ADGRD1: variants seen among roughly 807,000 people sequenced by gnomAD.
ADGRD1 encodes adhesion G protein-coupled receptor D1.
Under a neutral mutation model 113.4 loss-of-function variants are expected in ADGRD1, and 77 were observed. The observed-to-expected ratio is 0.68, with a 90% CI of 0.57 to 0.82. ADGRD1 has a LOEUF of 0.82. Among genes scored for constraint, ADGRD1 ranks in the 40% least tolerant of loss-of-function variants. The pLI, the probability that ADGRD1 is intolerant of heterozygous loss-of-function variation, is 0.00. For missense variants in ADGRD1, 1,036 were observed against 1,139.1 expected (o/e 0.91, Z 1.30); for synonymous variants, 474 against 475.0 (o/e 1.00, Z 0.03).
chr12:131,033,435 T>C (rs891332140), intron 13 of ADGRD1, among the ~76,000 whole-genome samples: 7 of 152,222 alleles, frequency 4.6e-5, no homozygotes, highest in African/African-American at 1.7e-4. Context: ...GGCGTCCACA[T>C]GCGGCCTTCC....
At chr12:131,099,389 A>G (rs922686343) in intron 15 of ADGRD1, among the ~76,000 whole-genome samples, 3 of 152,208 alleles carry the variant, frequency 2.0e-5, no homozygotes, top group Non-Finnish European at 4.4e-5. Flanking sequence ...AAGTAATACA[A>G]TGACAAATCC....
chr12:131,037,516 T>C, intron 13 of ADGRD1, among the ~76,000 whole-genome samples: 1 of 101,704 alleles, frequency 9.8e-6, no homozygotes. Context: ...GCACTGGGTC[T>C]CACTCACTAC....
In ADGRD1 at chr12:131,003,102, A is replaced by T; in HGVS notation, c.1027-83A>T. On this transcript the variant is annotated intron_variant, in intron 9 of 24. Transcript: ENST00000261654. This position sits in a 1 kb window ranked among gnomAD's most constrained non-coding sequence, Gnocchi z 4.8. ...CTCGTGGCCAACGTGGGGAAACTTGATTTTGTGTGCCTGGTGCACCTGCCT... is the reference window on the plus strand; with the variant it reads ...CTCGTGGCCAACGTGGGGAAACTTGTTTTTGTGTGCCTGGTGCACCTGCCT... 8.9e-7 allele frequency: 1 copy of T among 1,123,562 alleles called. No individual in the cohort carries two copies. Among genetic ancestry groups the T allele is most frequent in the Non-Finnish European group, 1.4e-6 (1 of 737,252 alleles). The allele number at this position is 1,123,562 out of a possible 1,614,324, so 69.6% of individuals were successfully genotyped here. A position where few individuals can be genotyped will look rare whatever the true frequency, so the allele number is the denominator to read the frequency against.
rs1474412392 is a variant in ADGRD1, at chr12:131,113,821, C to CTGCT, written c.2042-4562_2042-4559dup. On this transcript the variant is annotated intron_variant, in intron 18 of 24. Coordinates refer to ENST00000261654, the MANE Select transcript of ADGRD1 (RefSeq NM_198827.5). The surrounding 1 kb of genome is among the most constrained non-coding windows in gnomAD (Gnocchi z 4.9). Reference sequence around the variant, plus strand: ...GCCCTCCCTCCAGGTCACGCATGACCTGCTTCTTCAGGCCTCTGTGACGCC... The same window carrying CTGCT: ...GCCCTCCCTCCAGGTCACGCATGACCTGCTTGCTTCTTCAGGCCTCTGTGACGCC... Among the ~76,000 whole-genome samples the CTGCT allele has an allele frequency of 6.6e-6, 1 of 152,220 alleles. No individual in the cohort carries two copies. Among genetic ancestry groups the CTGCT allele is most frequent in the African/African-American group, 2.4e-5 (1 of 41,472 alleles).
chr12:131,025,349 G>A (rs1003775762), intron 13 of ADGRD1, among the ~76,000 whole-genome samples: 2 of 152,122 alleles, frequency 1.3e-5, no homozygotes, highest in Non-Finnish European at 2.9e-5. Flanking sequence ...GCTCTTCTAA[G>A]TTAAAGTGAT....
At chr12:131,112,209 C>T (rs1179850434) in intron 18 of ADGRD1, among the ~76,000 whole-genome samples, 1 of 152,208 alleles carries the variant, frequency 6.6e-6, no homozygotes, top group Admixed American at 6.5e-5. Flanking sequence ...TAGGCATGTA[C>T]AGTCACCCTG....
chr12:131,115,887 G>C (rs1292375541), intron 18 of ADGRD1, among the ~76,000 whole-genome samples: 1 of 152,148 alleles, frequency 6.6e-6, no homozygotes, highest in East Asian at 1.9e-4. Context: ...AGTGAGGAAG[G>C]CAACTCATTA....
Position 131,113,824 on chromosome 12 carries a change from C to T in ADGRD1, c.2042-4561C>T, listed in dbSNP as rs540527337. 1.3e-5 allele frequency among the ~76,000 whole-genome samples: 2 copies of T among 152,250 alleles called. No individual in the cohort carries two copies. The highest frequency in any genetic ancestry group is 2.9e-5 in the Non-Finnish European group (2 of 68,048). On this transcript the variant is annotated intron_variant, in intron 18 of 24. Coordinates refer to ENST00000261654, the MANE Select transcript of ADGRD1 (RefSeq NM_198827.5). This position sits in a 1 kb window ranked among gnomAD's most constrained non-coding sequence, Gnocchi z 4.9. ...CTCCCTCCAGGTCACGCATGACCTG[C>T]TTCTTCAGGCCTCTGTGACGCCCCA...
intron 8 of ADGRD1, among the ~76,000 whole-genome samples, chr12:130,993,543 C>T (rs974349896): frequency 5.3e-5 from 8 of 151,816 alleles, no homozygotes; most frequent in African/African-American, 1.7e-4. Context: ...CATGGAGCTG[C>T]GGGACTCAGC....
rs1876205234 is a variant in ADGRD1, at chr12:131,000,373, C to T, written c.967-10C>T. On this transcript the variant is annotated splice_polypyrimidine_tract_variant and intron_variant, in intron 8 of 24. Transcript: ENST00000261654. Reference sequence around the variant, plus strand: ...CAGGTGCTGAGCAGTGTCATTTTGTCCACCTTTAGACCTTCTTAAAAGCCG... The same window carrying T: ...CAGGTGCTGAGCAGTGTCATTTTGTTCACCTTTAGACCTTCTTAAAAGCCG... 6.2e-7 allele frequency: 1 copy of T among 1,611,488 alleles called. No individual in the cohort carries two copies. Among genetic ancestry groups the T allele is most frequent in the African/African-American group, 1.3e-5 (1 of 74,948 alleles).
chr12:131,136,173 G>T lies in ADGRD1; in HGVS notation c.2394+10G>T, dbSNP rs370586919. The T allele has an allele frequency of 2.5e-6, 4 of 1,613,024 alleles. No individual in the cohort carries two copies. The highest frequency in any genetic ancestry group is 2.2e-5 in the South Asian group (2 of 90,922). On this transcript the variant is annotated intron_variant, in intron 22 of 24. Coordinates refer to ENST00000261654, the MANE Select transcript of ADGRD1 (RefSeq NM_198827.5). ...GCTCAACTCCCTGCAGGTGAGAGCC[G>T]CGGGGACTGGCGGGGAGGCAGGGCC...
intron 13 of ADGRD1, among the ~76,000 whole-genome samples, chr12:131,015,680 C>T (rs1354417217): frequency 6.6e-6 from 1 of 150,864 alleles, no homozygotes; most frequent in Non-Finnish European, 1.5e-5. Context: ...GACTGGTCAC[C>T]TCAGCCTCCT....
Position 130,994,076 on chromosome 12 carries a change from A to C in ADGRD1, c.966+1684A>C, listed in dbSNP as rs1874835122. 2.1e-5 allele frequency: 5 copies of C among 238,642 alleles called. No homozygotes were observed. In the South Asian group the frequency reaches 2.2e-4, roughly 11 times the overall value. The allele number at this position is 238,642 out of a possible 1,614,324, so 14.8% of individuals were successfully genotyped here. A position where few individuals can be genotyped will look rare whatever the true frequency, so the allele number is the denominator to read the frequency against. On this transcript the variant is annotated intron_variant, in intron 8 of 24. Coordinates refer to ENST00000261654, the MANE Select transcript of ADGRD1 (RefSeq NM_198827.5). ...ACTAACCAAGGGGAGTGGGATTAGC[A>C]ACCAGCTCAGCCAATCATGAAGGAG...
rs376807006 is a variant in ADGRD1 at position 130,963,342 on chromosome 12, AG to A, written c.104-3120del. Among the ~76,000 whole-genome samples, 929 of 123,268 alleles carry A rather than the reference AG, an allele frequency of 7.5e-3. 20 individuals are homozygous for A. Among genetic ancestry groups the A allele is most frequent in the African/African-American group, 0.023 (778 of 33,154 alleles). The allele number at this position is 123,268 out of a possible 152,430, so 80.9% of individuals were successfully genotyped here. A position where few individuals can be genotyped will look rare whatever the true frequency, so the allele number is the denominator to read the frequency against. On this transcript the variant is annotated intron_variant, in intron 2 of 24. Transcript: ENST00000261654. Reference sequence around the variant, plus strand: ...CTCAAAAAAAAAAAAAAAAAAAAAAAGAAAGAAAAATTCAAATTCAAATAGA... The same window carrying A: ...CTCAAAAAAAAAAAAAAAAAAAAAAAAAAGAAAAATTCAAATTCAAATAGA...
At chr12:131,099,616 A>C (rs1775356042) in intron 15 of ADGRD1, among the ~76,000 whole-genome samples, 1 of 152,176 alleles carries the variant, frequency 6.6e-6, no homozygotes, top group Admixed American at 6.5e-5. Context: ...ATTGTGTGGA[A>C]GAAGAATGTA....
intron 18 of ADGRD1, among the ~76,000 whole-genome samples, chr12:131,111,791 C>T (rs1007082777): frequency 6.6e-6 from 1 of 152,058 alleles, no homozygotes. Context: ...GAATTTTGAT[C>T]TCTTTGTTGC....
intron 19 of ADGRD1, 45 bp from the exon 20 acceptor site, chr12:131,120,802 G>C (rs1450930596): frequency 1.2e-6 from 2 of 1,602,356 alleles, no homozygotes; most frequent in Non-Finnish European, 1.7e-6. Context: ...TACGCTGGCA[G>C]GTGGAACGAG....
rs1055947885 is a variant in ADGRD1 at position 131,014,478 on chromosome 12, G to A, written c.1473+138G>A. ...CCGAACTGGAATCTTCCTCTCCCTG[G>A]AGCTCCTTCTCTTGGGCCTTTGTTT... On this transcript the variant is annotated intron_variant, in intron 13 of 24. Coordinates refer to ENST00000261654, the MANE Select transcript of ADGRD1 (RefSeq NM_198827.5). 4 of 778,156 alleles carry A rather than the reference G, an allele frequency of 5.1e-6. No homozygotes were observed. The African/African-American group carries it at 5.3e-5, about 10-fold the overall frequency. 48.2% of individuals were successfully genotyped at this position (778,156 alleles called of 1,614,324 possible). A position where few individuals can be genotyped will look rare whatever the true frequency, so the allele number is the denominator to read the frequency against.
At chr12:131,116,879 C>G (rs1462083208) in intron 18 of ADGRD1, among the ~76,000 whole-genome samples, 1 of 152,240 alleles carries the variant, frequency 6.6e-6, no homozygotes, top group Non-Finnish European at 1.5e-5. Flanking sequence ...GCCCCACTTT[C>G]TGAATAACGA....
Sources: allele counts gnomAD v4.1 joint callset (sites outside exome capture counted in the v4.1 genomes callset), GRCh38; gene constraint gnomAD v4.1.1; non-coding constraint Gnocchi (gnomAD v3.1); transcripts MANE v1.5; gene names NCBI Gene and HGNC (gene_info 2026-07-23, HGNC 2026-07-21).